KCNMB2: variants seen among roughly 807,000 people sequenced by gnomAD.
KCNMB2 encodes the protein calcium-activated potassium channel subunit beta-2.
In KCNMB2, 9 loss-of-function variants were observed where a neutral mutation model predicts 24.5. The ratio of observed to expected loss-of-function variants is 0.37; its 90% CI spans 0.22 to 0.64. The LOEUF (loss-of-function observed/expected upper bound fraction) is 0.64. Among genes scored for constraint, KCNMB2 ranks in the 30% least tolerant of loss-of-function variants. The pLI, the probability that KCNMB2 is intolerant of heterozygous loss-of-function variation, is 0.63. For missense variants in KCNMB2, 226 were observed against 284.3 expected (o/e 0.79, Z 1.47); for synonymous variants, 109 against 104.4 (o/e 1.04, Z -0.27).
At chr3:178,730,188 T>G (rs1026364914) in intron 1 of KCNMB2, among the ~76,000 whole-genome samples, 10 of 152,174 alleles carry the variant, frequency 6.6e-5, no homozygotes, top group African/African-American at 9.7e-5. Flanking sequence ...ATGACCCTAA[T>G]AACAATCACA....
At position 178,842,876 on chromosome 3, in the gene KCNMB2, T is replaced by C. The variant is rs1366717297; in HGVS notation, c.647T>C (p.Met216Thr). 6.2e-7 allele frequency: 1 copy of C among 1,614,018 alleles called. No individual in the cohort carries two copies. Among genetic ancestry groups the C allele is most frequent in the Non-Finnish European group, 8.5e-7 (1 of 1,179,878 alleles). ...GCTGGGGGTGTGGCAATTGTTGCCATGGTGAAACTTACACAGTACCTCTCC... is the reference window on the plus strand; with the variant it reads ...GCTGGGGGTGTGGCAATTGTTGCCACGGTGAAACTTACACAGTACCTCTCC... ...MMAGGVAIVAMVKLTQYLSLL... is the reference protein window; with the variant it reads ...MMAGGVAIVATVKLTQYLSLL... The change falls in exon 5 of 5, where the codon ATG becomes ACG. Residue 216 changes from methionine to threonine, a missense_variant. Physicochemically the swap from Met to Thr is moderately conservative, Grantham distance 81 (BLOSUM62 -1). Transcript: ENST00000452583.
intron 1 of KCNMB2, among the ~76,000 whole-genome samples, chr3:178,605,994 G>A (rs1189971215): frequency 6.6e-6 from 1 of 152,146 alleles, no homozygotes; most frequent in Non-Finnish European, 1.5e-5. Flanking sequence ...GTGTGGCCTA[G>A]TGACCATTTG....
chr3:178,657,242 C>T (rs1359825630), intron 1 of KCNMB2, among the ~76,000 whole-genome samples: 2 of 152,226 alleles, frequency 1.3e-5, no homozygotes, highest in African/African-American at 4.8e-5. Context: ...GCTCTGAGTT[C>T]ATTTCTTCAG....
At chr3:178,577,129 C>A (rs139480942) in intron 1 of KCNMB2, among the ~76,000 whole-genome samples, 5 of 152,282 alleles carry the variant, frequency 3.3e-5, no homozygotes, top group African/African-American at 1.2e-4. Flanking sequence ...CAGCTGGCAT[C>A]TGGTGGGTGC....
At chr3:178,714,819 T>C (rs1488659111) in intron 1 of KCNMB2, among the ~76,000 whole-genome samples, 1 of 113,144 alleles carries the variant, frequency 8.8e-6, no homozygotes, top group Admixed American at 9.7e-5. Flanking sequence ...GGGCCCACTT[T>C]CTTAGACTTT....
At chr3:178,563,051 C>A (rs1294598682) in intron 1 of KCNMB2, among the ~76,000 whole-genome samples, 2 of 152,186 alleles carry the variant, frequency 1.3e-5, no homozygotes, top group African/African-American at 4.8e-5. Flanking sequence ...GGAGAGTGGT[C>A]AGGATACGAA....
intron 2 of KCNMB2, among the ~76,000 whole-genome samples, chr3:178,809,023 G>A (rs942783174): frequency 6.6e-6 from 1 of 152,100 alleles, no homozygotes; most frequent in African/African-American, 2.4e-5. Flanking sequence ...ATCATCTCTA[G>A]GTTTTCACTG....
intron 1 of KCNMB2, among the ~76,000 whole-genome samples, chr3:178,796,231 T>C (rs945918871): frequency 6.6e-5 from 10 of 152,156 alleles, no homozygotes; most frequent in African/African-American, 1.9e-4. Context: ...ATTATAAATA[T>C]ATGCACCCAA....
At chr3:178,576,641 C>A (rs927475848) in intron 1 of KCNMB2, among the ~76,000 whole-genome samples, 1 of 152,162 alleles carries the variant, frequency 6.6e-6, no homozygotes, top group Admixed American at 6.5e-5. Context: ...ACCTGGGAGG[C>A]TCAAGCTTGG....
At chr3:178,783,745 T>C (rs367568851) in intron 1 of KCNMB2, among the ~76,000 whole-genome samples, 20 of 151,996 alleles carry the variant, frequency 1.3e-4, no homozygotes, top group African/African-American at 4.1e-4. Flanking sequence ...CAAACAGGGA[T>C]AATTTGACTT....
intron 1 of KCNMB2, among the ~76,000 whole-genome samples, chr3:178,563,553 G>A (rs1429005969): frequency 6.6e-6 from 1 of 152,180 alleles, no homozygotes; most frequent in African/African-American, 2.4e-5. Flanking sequence ...TCAAAGACGT[G>A]TCTCCTTTAC....
chr3:178,573,254 C>A (rs1716870024), intron 1 of KCNMB2, among the ~76,000 whole-genome samples: 1 of 152,100 alleles, frequency 6.6e-6, no homozygotes, highest in Non-Finnish European at 1.5e-5. Flanking sequence ...GGTGATCCAC[C>A]TGCTTCAGCA....
intron 1 of KCNMB2, among the ~76,000 whole-genome samples, chr3:178,691,105 G>GTTTTTTTTTT (rs1310077931): frequency 1.2e-4 from 4 of 32,952 alleles, no homozygotes; most frequent in East Asian, 6.4e-4. Flanking sequence ...TCCCCATTAA[G>GTTTTTTTTTT]TCTTTTTTTT....
At chr3:178,744,123 G>A (rs1469695683) in intron 1 of KCNMB2, among the ~76,000 whole-genome samples, 1 of 152,192 alleles carries the variant, frequency 6.6e-6, no homozygotes, top group Non-Finnish European at 1.5e-5. Flanking sequence ...TCTATGATCA[G>A]GGTGAAATAC....
chr3:178,821,942 C>A (rs1275252871), intron 2 of KCNMB2, among the ~76,000 whole-genome samples: 1 of 152,148 alleles, frequency 6.6e-6, no homozygotes, highest in Non-Finnish European at 1.5e-5. Context: ...ACAATCCCCC[C>A]ATTCCTCTCT....
intron 1 of KCNMB2, among the ~76,000 whole-genome samples, chr3:178,750,025 A>T (rs1723792258): frequency 1.3e-5 from 2 of 152,222 alleles, no homozygotes; most frequent in African/African-American, 4.8e-5. Context: ...CCTTTAAGTA[A>T]GTATGTTGTG....
intron 1 of KCNMB2, among the ~76,000 whole-genome samples, chr3:178,691,105 G>GTTTTTTTTTTTTTTTTTTTT (rs1310077931): frequency 7.9e-4 from 26 of 32,912 alleles, no homozygotes; most frequent in African/African-American, 3.8e-3. Context: ...TCCCCATTAA[G>GTTTTTTTTTTTTTTTTTTTT]TCTTTTTTTT....
chr3:178,799,999 T>C (rs1353249865), intron 1 of KCNMB2, among the ~76,000 whole-genome samples: 1 of 152,168 alleles, frequency 6.6e-6, no homozygotes, highest in Non-Finnish European at 1.5e-5. Flanking sequence ...AACCAGACTC[T>C]GTCTCTTGCC....
At chr3:178,661,058 T>C (rs936037599) in intron 1 of KCNMB2, among the ~76,000 whole-genome samples, 5 of 152,108 alleles carry the variant, frequency 3.3e-5, no homozygotes, top group Non-Finnish European at 7.4e-5. Context: ...TACATAGGTA[T>C]ACACGTGTCA....
Sources: gnomAD v4.1 joint callset for allele counts (sites outside exome capture counted in the v4.1 genomes callset) on GRCh38, gnomAD v4.1.1 for gene constraint, MANE v1.5 for transcripts, NCBI Gene and HGNC (gene_info 2026-07-23, HGNC 2026-07-21) for gene names.